Variants in BRWD1 observed in about 807,000 individuals in gnomAD.
BRWD1 encodes bromodomain and WD repeat-containing protein 1.
Under a neutral mutation model 251.2 loss-of-function variants are expected in BRWD1, and 82 were observed. That is an observed-to-expected ratio of 0.33 (90% CI 0.27 to 0.39). The LOEUF (loss-of-function observed/expected upper bound fraction) is 0.39. Ranked by LOEUF, BRWD1 falls within the 10% of genes least tolerant of loss-of-function variation. BRWD1 has a pLI of 1.00. For synonymous variants in BRWD1, 918 were observed against 902.8 expected, an observed-to-expected ratio of 1.02 and a Z score of -0.30; for missense variants, 2,233 against 2,711.6, an observed-to-expected ratio of 0.82 and a Z score of 3.92.
chr21:39,304,781 G>T (rs1300354375), intron 4 of BRWD1, among the ~76,000 whole-genome samples: 2 of 152,104 alleles, frequency 1.3e-5, no homozygotes, highest in Non-Finnish European at 1.5e-5. Context: ...AAGTTGGTGT[G>T]GCTATATTAA....
Position 39,187,532 on chromosome 21 carries a change from T to C in BRWD1, c.*8727A>G. ...GAAACAATAAATTTAAAAGTCATAT[T>C]GCTAAATGATAAATTTTAAAATGTG... On this transcript the variant is annotated 3_prime_UTR_variant, in exon 41 of 41. Coordinates refer to ENST00000342449, the MANE Select transcript of BRWD1 (RefSeq NM_033656.4). 1 of 1,405,368 alleles carries C rather than the reference T, an allele frequency of 7.1e-7. No individual in the cohort carries two copies. The highest frequency in any genetic ancestry group is 9.2e-7 in the Non-Finnish European group (1 of 1,084,586). The allele number at this position is 1,405,368 out of a possible 1,614,324, so 87.1% of individuals were successfully genotyped here. A position where few individuals can be genotyped will look rare whatever the true frequency, so the allele number is the denominator to read the frequency against.
intron 11 of BRWD1, 137 bp from the exon 12 acceptor site, chr21:39,276,350 C>G: frequency 1.9e-6 from 1 of 530,788 alleles, no homozygotes; most frequent in South Asian, 3.7e-5. Flanking sequence ...CCCTGTCATT[C>G]AACATGTTTT....
chr21:39,275,053 ATAAT>A (rs1226436083), intron 12 of BRWD1, among the ~76,000 whole-genome samples: 4 of 152,194 alleles, frequency 2.6e-5, no homozygotes, highest in African/African-American at 9.6e-5. Flanking sequence ...TCAAAAAAAA[ATAAT>A]TAAATAAGAA....
At chr21:39,310,428 C>T (rs2036442062) in intron 4 of BRWD1, among the ~76,000 whole-genome samples, 1 of 151,244 alleles carries the variant, frequency 6.6e-6, no homozygotes, top group Non-Finnish European at 1.5e-5. Context: ...CACCTGAAGT[C>T]AGGAGTTCGA....
At chr21:39,299,245 C>A (rs2036041008) in intron 4 of BRWD1, among the ~76,000 whole-genome samples, 1 of 31,752 alleles carries the variant, frequency 3.1e-5, no homozygotes. Flanking sequence ...ACTCGCCTGT[C>A]TCAAAAAAAA....
chr21:39,230,622 T>C (rs1045100877), intron 25 of BRWD1, among the ~76,000 whole-genome samples: 1 of 152,118 alleles, frequency 6.6e-6, no homozygotes, highest in African/African-American at 2.4e-5. Flanking sequence ...GAATGAAGCT[T>C]ATCTAACATA....
chr21:39,281,879 A>AATAT (rs1555874373), intron 8 of BRWD1, among the ~76,000 whole-genome samples: 19 of 83,216 alleles, frequency 2.3e-4, no homozygotes, highest in Admixed American at 8.0e-4. Context: ...TACCAAAAAA[A>AATAT]ATATATATAT....
intron 31 of BRWD1, among the ~76,000 whole-genome samples, chr21:39,216,109 C>T (rs989823933): frequency 1.3e-5 from 2 of 152,098 alleles, no homozygotes; most frequent in South Asian, 2.1e-4. Flanking sequence ...AGATAAATTA[C>T]GTCGATAATG....
At position 39,202,635 on chromosome 21, in the gene BRWD1, A is replaced by G; in HGVS notation, c.4365-90T>C. On this transcript the variant is annotated intron_variant, in intron 37 of 40. Coordinates refer to ENST00000342449, the MANE Select transcript of BRWD1 (RefSeq NM_033656.4). Reference sequence around the variant, plus strand: ...GAATGACTAAATAGAAGTATATCATATTTCTTAAACTGAGAGTAATTTTAT... The same window carrying G: ...GAATGACTAAATAGAAGTATATCATGTTTCTTAAACTGAGAGTAATTTTAT... 4 of 829,802 alleles carry G rather than the reference A, an allele frequency of 4.8e-6. 1 individual carries two copies. The South Asian group carries it at 8.0e-5, about 17-fold the overall frequency. 51.4% of individuals were successfully genotyped at this position (829,802 alleles called of 1,614,324 possible).
chr21:39,276,892 C>G (rs2035297078), intron 11 of BRWD1, among the ~76,000 whole-genome samples: 1 of 152,058 alleles, frequency 6.6e-6, no homozygotes, highest in Non-Finnish European at 1.5e-5. Flanking sequence ...ACATACCTCC[C>G]CTTTAAATAT....
In BRWD1 at chr21:39,188,597, TAA is replaced by T; in HGVS notation, c.*7660_*7661del. 1 of 985,372 alleles carries T rather than the reference TAA, an allele frequency of 1.0e-6. No homozygotes were observed. The highest frequency in any genetic ancestry group is 1.1e-4 in the East Asian group (1 of 8,808). The allele number at this position is 985,372 out of a possible 1,614,324, so 61.0% of individuals were successfully genotyped here. On this transcript the variant is annotated 3_prime_UTR_variant, in exon 41 of 41. Coordinates refer to ENST00000342449, the MANE Select transcript of BRWD1 (RefSeq NM_033656.4). ...TGACTGAAGGGCAGATGAGTACAGG[TAA>T]AAACTGCTTCTGTGGACTGACATGT...
In BRWD1 at chr21:39,199,124, A is replaced by G. The variant is rs776935399; in HGVS notation, c.5292T>C (p.Asp1764=). ...CAGTTCTGTTACATGCATGATCTGA[A>G]TCATGACTTTTAGAGTCTTCCTCAG... ...ESSEEDSKSH[D]SDHACNRTAG... is the part of the protein sequence containing the mutation. Residue 1764 remains aspartate (D), a synonymous_variant, in exon 40 of 41, where the codon GAT becomes GAC. Coordinates refer to ENST00000342449, the MANE Select transcript of BRWD1 (RefSeq NM_033656.4). The G allele has an allele frequency of 3.2e-5, 51 of 1,613,912 alleles. No individual in the cohort carries two copies. Among genetic ancestry groups the G allele is most frequent in the South Asian group, 2.1e-4 (19 of 91,080 alleles).
At chr21:39,204,456 G>C (rs1201143363) in intron 37 of BRWD1, among the ~76,000 whole-genome samples, 1 of 152,000 alleles carries the variant, frequency 6.6e-6, no homozygotes, top group East Asian at 1.9e-4. Context: ...AAACTACATA[G>C]TCAAAGAATA....
intron 4 of BRWD1, among the ~76,000 whole-genome samples, chr21:39,300,027 C>A (rs2036065738): frequency 1.3e-5 from 2 of 152,016 alleles, no homozygotes; most frequent in South Asian, 4.2e-4. Flanking sequence ...GCTGCTTACA[C>A]CCCTAGCAGA....
intron 8 of BRWD1, among the ~76,000 whole-genome samples, chr21:39,284,330 C>G (rs1366034186): frequency 2.0e-5 from 3 of 152,016 alleles, no homozygotes; most frequent in Non-Finnish European, 4.4e-5. Context: ...AAATTAAGAA[C>G]TAACTAGATG....
chr21:39,197,462 G>A, intron 40 of BRWD1, 47 bp from the exon 41 acceptor site: 1 of 1,407,722 alleles, frequency 7.1e-7, no homozygotes, highest in Non-Finnish European at 9.6e-7. Flanking sequence ...TAAGTCTAAA[G>A]GAATTATATG....
intron 5 of BRWD1, chr21:39,296,910 A>G: frequency 4.1e-6 from 4 of 984,732 alleles, no homozygotes; most frequent in South Asian, 4.7e-5. Flanking sequence ...ATTTATATGA[A>G]AATTCATGAC....
At chr21:39,314,008 C>T (rs1238894981), upstream of BRWD1, 7 of 451,392 alleles carry the variant, frequency 1.6e-5, no homozygotes, top group Admixed American at 2.4e-5. Context: ...GGACCTGGGT[C>T]CTCTACGCGG....
intron 21 of BRWD1, among the ~76,000 whole-genome samples, chr21:39,242,420 C>A (rs2034034829): frequency 6.6e-6 from 1 of 152,170 alleles, no homozygotes; most frequent in African/African-American, 2.4e-5. Flanking sequence ...AAGATGGAAA[C>A]TTGCAGAGGT....
Sources: allele counts gnomAD v4.1 joint callset (sites outside exome capture counted in the v4.1 genomes callset), GRCh38; gene constraint gnomAD v4.1.1; transcripts MANE v1.5; gene names NCBI Gene and HGNC (gene_info 2026-07-23, HGNC 2026-07-21).